PLGRKT: variants seen among roughly 807,000 people sequenced by gnomAD.
PLGRKT encodes plasminogen receptor with a C-terminal lysine.
PLGRKT carries 22 observed loss-of-function variants against 18.5 expected under a neutral mutation model. That is an observed-to-expected ratio of 1.19 (90% CI 0.85 to 1.70). PLGRKT has a LOEUF of 1.70. PLGRKT is among the 40% of genes most tolerant of loss of function. The pLI is 0.00. For synonymous variants in PLGRKT, 72 were observed against 52.8 expected (o/e 1.36, Z -1.58); for missense variants, 235 against 174.4 (o/e 1.35, Z -1.96).
chr9:5,407,753 C>A (rs181932331), intron 3 of PLGRKT, among the ~76,000 whole-genome samples: 1 of 152,038 alleles, frequency 6.6e-6, no homozygotes, highest in Non-Finnish European at 1.5e-5. Flanking sequence ...ACCCTAAAAA[C>A]CCTAGGAACC....
intron 3 of PLGRKT, among the ~76,000 whole-genome samples, chr9:5,375,587 A>T (rs1481872008): frequency 1.3e-5 from 2 of 152,212 alleles, no homozygotes; most frequent in African/African-American, 4.8e-5. Flanking sequence ...AAAATAAAGG[A>T]AAATATGGAC....
chr9:5,415,223 G>C (rs1303258058), intron 3 of PLGRKT, among the ~76,000 whole-genome samples: 1 of 152,140 alleles, frequency 6.6e-6, no homozygotes, highest in African/African-American at 2.4e-5. Flanking sequence ...ATGGAAGTTG[G>C]TCAAAGTCAA....
intron 3 of PLGRKT, among the ~76,000 whole-genome samples, chr9:5,368,649 G>C (rs2131070406): frequency 6.6e-6 from 1 of 152,260 alleles, no homozygotes; most frequent in South Asian, 2.1e-4. Context: ...CACCATTTGG[G>C]TGATGGAATC....
rs1225160151 is a variant in PLGRKT, at chr9:5,431,320, G to A, written c.81+577C>T. ...AGGCTGAGGCCAGTAGATCATTTGA[G>A]GCCAGGAGTTCGAGACCAGCCTGGC... is the stretch of plus-strand genomic sequence containing the variant. On this transcript the variant is annotated intron_variant, in intron 3 of 5. Transcript: ENST00000223864. Among the ~76,000 whole-genome samples the A allele has an allele frequency of 2.6e-5, 4 of 152,120 alleles. No homozygotes were observed. The East Asian group carries it at 5.8e-4, about 22-fold the overall frequency.
chr9:5,365,644 G>C (rs1194687634), intron 3 of PLGRKT, among the ~76,000 whole-genome samples: 1 of 152,154 alleles, frequency 6.6e-6, no homozygotes, highest in Non-Finnish European at 1.5e-5. Flanking sequence ...AAGAACATTA[G>C]AGACAAACAA....
At chr9:5,373,793 G>A (rs7032874) in intron 3 of PLGRKT, among the ~76,000 whole-genome samples, 41,323 of 148,680 alleles carry the variant, frequency 0.28, 5,686 homozygotes, top group Non-Finnish European at 0.3. Context: ...AGAAAAAGAA[G>A]AAAAAAAAAA....
At chr9:5,379,683 T>C (rs181973191) in intron 3 of PLGRKT, among the ~76,000 whole-genome samples, 1 of 152,330 alleles carries the variant, frequency 6.6e-6, no homozygotes, top group African/African-American at 2.4e-5. Context: ...ATGAAAAATG[T>C]TGAACTTCAT....
chr9:5,431,449 G>T (rs553927018), intron 3 of PLGRKT, among the ~76,000 whole-genome samples: 1 of 149,136 alleles, frequency 6.7e-6, no homozygotes, highest in Admixed American at 6.8e-5. Flanking sequence ...CACAAGAATC[G>T]CTTGAACCCA....
At chr9:5,364,484 C>T (rs1334375643) in intron 3 of PLGRKT, among the ~76,000 whole-genome samples, 1 of 152,068 alleles carries the variant, frequency 6.6e-6, no homozygotes, top group Non-Finnish European at 1.5e-5. Flanking sequence ...ACAGAGTGAA[C>T]CTTAGTGCAT....
chr9:5,434,902 G>C (rs1034643607), intron 2 of PLGRKT, among the ~76,000 whole-genome samples: 1 of 152,050 alleles, frequency 6.6e-6, no homozygotes, highest in Non-Finnish European at 1.5e-5. Flanking sequence ...GGAAAAGAAA[G>C]AGAGATCAGA....
intron 3 of PLGRKT, among the ~76,000 whole-genome samples, chr9:5,365,698 G>A (rs1005862420): frequency 1.3e-5 from 2 of 152,194 alleles, no homozygotes; most frequent in African/African-American, 4.8e-5. Flanking sequence ...ATGGATCAAT[G>A]TTAGTTTCTT....
intron 3 of PLGRKT, among the ~76,000 whole-genome samples, chr9:5,369,756 C>A (rs1234507734): frequency 6.6e-6 from 1 of 152,054 alleles, no homozygotes; most frequent in Non-Finnish European, 1.5e-5. Flanking sequence ...ACTGTGTAGC[C>A]ATAAAAAAAG....
intron 1 of PLGRKT, 107 bp from the exon 2 acceptor site, chr9:5,436,801 C>G (rs1401883412): frequency 6.6e-6 from 1 of 152,178 alleles, no homozygotes; most frequent in Non-Finnish European, 1.5e-5. Flanking sequence ...AGTCATTTCC[C>G]AAAGTCTGGG....
intron 3 of PLGRKT, among the ~76,000 whole-genome samples, chr9:5,382,700 C>G (rs1438603082): frequency 6.6e-6 from 1 of 152,152 alleles, no homozygotes; most frequent in South Asian, 2.1e-4. Flanking sequence ...ATTTTAAATG[C>G]CCTCTGGCCG....
At chr9:5,421,483 G>C (rs1228424860) in intron 3 of PLGRKT, among the ~76,000 whole-genome samples, 4 of 152,236 alleles carry the variant, frequency 2.6e-5, no homozygotes, top group African/African-American at 7.2e-5. Context: ...TCCCACTGGA[G>C]TGTAAGTTCC....
chr9:5,422,754 A>G (rs904042338), intron 3 of PLGRKT, among the ~76,000 whole-genome samples: 1 of 152,210 alleles, frequency 6.6e-6, no homozygotes, highest in Non-Finnish European at 1.5e-5. Context: ...AATTTGCCTT[A>G]AAGTATATTC....
At position 5,431,980 on chromosome 9, in the gene PLGRKT, T is replaced by G; in HGVS notation, c.-3A>C. On this transcript the variant is annotated 5_prime_UTR_variant, in exon 3 of 6. Transcript: ENST00000223864. Reference sequence around the variant, plus strand: ...GATTTTGAAAATATAAACCCCATTTTGACCTAAAATGTAAAAAAAGCAAGG... The same window carrying G: ...GATTTTGAAAATATAAACCCCATTTGGACCTAAAATGTAAAAAAAGCAAGG... 1 of 1,394,312 alleles carries G rather than the reference T, an allele frequency of 7.2e-7. No individual in the cohort carries two copies. Among genetic ancestry groups the G allele is most frequent in the African/African-American group, 1.4e-5 (1 of 71,022 alleles). The allele number at this position is 1,394,312 out of a possible 1,614,324, so 86.4% of individuals were successfully genotyped here.
At chr9:5,429,293 A>T (rs1408800734) in intron 3 of PLGRKT, among the ~76,000 whole-genome samples, 1 of 152,196 alleles carries the variant, frequency 6.6e-6, no homozygotes, top group Non-Finnish European at 1.5e-5. Flanking sequence ...AGGAAAAGAA[A>T]ATCACTATGA....
At chr9:5,398,433 C>A (rs923930338) in intron 3 of PLGRKT, among the ~76,000 whole-genome samples, 1 of 151,998 alleles carries the variant, frequency 6.6e-6, no homozygotes, top group African/African-American at 2.4e-5. Flanking sequence ...CCAAGTGACA[C>A]AAGGTTTTGC....
Sources: allele counts gnomAD v4.1 joint callset (sites outside exome capture counted in the v4.1 genomes callset), GRCh38; gene constraint gnomAD v4.1.1; transcripts MANE v1.5; gene names NCBI Gene and HGNC (gene_info 2026-07-23, HGNC 2026-07-21).